The following RBBP7 variants were observed in gnomAD, a reference collection of about 807,000 sequenced individuals.
The protein encoded by RBBP7 is RB binding protein 7, chromatin remodeling factor.
RBBP7 carries 5 observed loss-of-function variants against 35.2 expected under a neutral mutation model. The observed-to-expected ratio is 0.14, with a 90% CI of 0.07 to 0.30. The LOEUF (loss-of-function observed/expected upper bound fraction) is 0.30. Ranked by LOEUF, RBBP7 falls within the 10% of genes least tolerant of loss-of-function variation. RBBP7 has a pLI of 1.00. For synonymous variants in RBBP7, 140 were observed against 118.7 expected (o/e 1.18, Z -1.17); for missense variants, 155 against 327.5 (o/e 0.47, Z 4.07).
At chrX:16,869,990 C>G in intron 1 of RBBP7, 48 bp downstream of exon 1, 4 of 760,942 alleles carry the variant, frequency 5.3e-6, no homozygotes, top group Non-Finnish European at 6.2e-6. Flanking sequence ...CTCGCGCGCC[C>G]GCCGCCCCCC....
At chrX:16,853,602 T>C (rs1206080825) in intron 6 of RBBP7, 80 bp downstream of exon 6, 1 of 918,783 alleles carries the variant, frequency 1.1e-6, no homozygotes, top group Non-Finnish European at 1.4e-6. Context: ...AAAAAAAAAA[T>C]CAAACTACAG....
At chrX:16,853,290 G>A (rs190706941) in intron 6 of RBBP7, 215 of 164,195 alleles carry the variant, frequency 1.3e-3, no homozygotes, top group African/African-American at 5.6e-3. Context: ...TTTCCTCCTC[G>A]ACCTCCAACT....
Position 16,852,859 on chromosome X carries a change from T to C in RBBP7, c.775A>G (p.Asn259Asp). 3.3e-6 allele frequency: 4 copies of C among 1,211,672 alleles called. No individual in the cohort carries two copies. Among genetic ancestry groups the C allele is most frequent in the Non-Finnish European group, 4.5e-6 (4 of 895,556 alleles). ...AAGTGACTCGGCTTGGAGGTGGTATTGGACCTGGTGTCCCATCTAAAACAC... is the reference window on the plus strand; with the variant it reads ...AAGTGACTCGGCTTGGAGGTGGTATCGGACCTGGTGTCCCATCTAAAACAC... Reference protein sequence around the residue: ...QKLMIWDTRSNTTSKPSHLVD... With the variant: ...QKLMIWDTRSDTTSKPSHLVD... Residue 259 changes from asparagine (N) to aspartate (D), a missense_variant, in exon 7 of 12, where the codon AAT becomes GAT. By Grantham distance (23) the Asn-to-Asp change is conservative. This residue lies in a region of RBBP7 where 79 missense variants were observed against 220.8 expected (regional missense o/e 0.36). Coordinates refer to ENST00000380087, the MANE Select transcript of RBBP7 (RefSeq NM_002893.4).
At chrX:16,860,431 G>A (rs944494073) in intron 3 of RBBP7, among the ~76,000 whole-genome samples, 1 of 111,624 alleles carries the variant, frequency 9.0e-6, no homozygotes, top group Non-Finnish European at 1.9e-5. Flanking sequence ...GCTCATGCCT[G>A]TAATCCCGGC....
intron 10 of RBBP7, chrX:16,846,228 G>A (rs1930074856): frequency 5.3e-6 from 1 of 188,582 alleles, no homozygotes; most frequent in East Asian, 1.2e-4. Flanking sequence ...CAATGAAATG[G>A]CTGAAGACTT....
At chrX:16,862,920 T>C (rs901972010) in intron 3 of RBBP7, 35 bp downstream of exon 3, 1 of 1,191,310 alleles carries the variant, frequency 8.4e-7, no homozygotes, top group Non-Finnish European at 1.1e-6. Flanking sequence ...ACATTTTCCC[T>C]TTGACACCAA....
intron 2 of RBBP7, among the ~76,000 whole-genome samples, chrX:16,864,542 A>AAAAAAAAAAAAAAAAAAAAG (rs1569063331): frequency 9.8e-5 from 4 of 40,709 alleles, no homozygotes; most frequent in African/African-American, 3.2e-4. Flanking sequence ...AAAAAAAAAA[A>AAAAAAAAAAAAAAAAAAAAG]AAAAAGAAAA....
At position 16,844,955 on chromosome X, in the gene RBBP7, T is replaced by TACA; in HGVS notation, c.*77_*79dup. ...GCCACCCCACTTACATTTCCTACTA[T>TACA]ACAATGCCTTTTTGGCGCTTGATAA... On this transcript the variant is annotated 3_prime_UTR_variant, in exon 12 of 12. Transcript: ENST00000380087. The TACA allele has an allele frequency of 4.3e-6, 4 of 924,527 alleles. No homozygotes were observed. Among genetic ancestry groups the TACA allele is most frequent in the Non-Finnish European group, 6.2e-6 (4 of 640,832 alleles). 76.2% of individuals were successfully genotyped at this position (924,527 alleles called of 1,213,427 possible). A position where few individuals can be genotyped will look rare whatever the true frequency, so the allele number is the denominator to read the frequency against.
rs1196995812 is a variant in RBBP7, at chrX:16,867,789, C to G, written c.161+1287G>C. 2.7e-5 allele frequency among the ~76,000 whole-genome samples: 3 copies of G among 110,518 alleles called. No individual in the cohort carries two copies. The East Asian group carries it at 8.5e-4, about 31-fold the overall frequency. ...CCAGGTTCAAGCAATTCTCCTGCCT[C>G]TGCCTCCCTGTAGCCTGTAGCTAGG... On this transcript the variant is annotated intron_variant, in intron 2 of 11. Transcript: ENST00000380087.
At chrX:16,869,279 T>A in intron 1 of RBBP7, 59 bp from the exon 2 acceptor site, 1 of 1,155,388 alleles carries the variant, frequency 8.7e-7, no homozygotes, top group Non-Finnish European at 1.2e-6. Context: ...AGTCAGAAAT[T>A]GGAGGTCACC....
chrX:16,849,456 C>CT (rs1930164715), intron 9 of RBBP7, among the ~76,000 whole-genome samples, 155 bp from the exon 10 acceptor site: 2 of 109,583 alleles, frequency 1.8e-5, no homozygotes, highest in Middle Eastern at 4.3e-3. Context: ...TTTTTTTTTT[C>CT]CTTAGAGACA....
intron 2 of RBBP7, among the ~76,000 whole-genome samples, chrX:16,867,180 CT>C (rs1930645507): frequency 9.0e-6 from 1 of 111,404 alleles, no homozygotes; most frequent in African/African-American, 3.3e-5. Context: ...CATGCATGAT[CT>C]TATTTCATTC....
At chrX:16,846,084 A>G (rs1363937311) in intron 10 of RBBP7, 146 bp from the exon 11 acceptor site, 13 of 982,298 alleles carry the variant, frequency 1.3e-5, no homozygotes, top group Non-Finnish European at 1.7e-5. Context: ...TCAGTAATCT[A>G]TTTATACTTA....
chrX:16,865,536 T>G (rs933202619), intron 2 of RBBP7, among the ~76,000 whole-genome samples: 5 of 112,199 alleles, frequency 4.5e-5, no homozygotes, highest in Non-Finnish European at 9.4e-5. Flanking sequence ...ATGAGGACTT[T>G]TCTTTTTACT....
intron 10 of RBBP7, 147 bp downstream of exon 10, chrX:16,849,097 A>C: frequency 2.4e-6 from 1 of 422,706 alleles, no homozygotes; most frequent in Non-Finnish European, 3.9e-6. Context: ...TAAATGTCAA[A>C]GCCCAGTTGC....
intron 10 of RBBP7, chrX:16,846,629 A>C (rs1181785231): frequency 1.8e-5 from 2 of 112,218 alleles, no homozygotes; most frequent in South Asian, 3.7e-4. Context: ...ACCTCGTCGG[A>C]ATGCACTATG....
At chrX:16,848,167 T>C (rs1257059345) in intron 10 of RBBP7, 1 of 111,703 alleles carries the variant, frequency 9.0e-6, no homozygotes, top group Non-Finnish European at 1.9e-5. Context: ...TGGGAGGTGA[T>C]AGCTATAGTT....
chrX:16,858,521 C>G (rs1010397628), intron 4 of RBBP7, among the ~76,000 whole-genome samples, 155 bp downstream of exon 4: 2 of 111,663 alleles, frequency 1.8e-5, no homozygotes, highest in African/African-American at 6.5e-5. Context: ...TTAGGTAGTT[C>G]TGGCAAATCC....
intron 3 of RBBP7, among the ~76,000 whole-genome samples, chrX:16,860,674 GAAAAAAAAAA>G (rs1930451765): frequency 5.6e-5 from 3 of 53,733 alleles, no homozygotes; most frequent in African/African-American, 1.9e-4. Flanking sequence ...ACTTCGTCTC[GAAAAAAAAAA>G]GAAAAAAAAA....
Sources: gnomAD v4.1 joint callset for allele counts (sites outside exome capture counted in the v4.1 genomes callset) on GRCh38, gnomAD v4.1.1 for gene constraint, gnomAD v4.1.1 regional missense constraint, MANE v1.5 for transcripts, NCBI Gene and HGNC (gene_info 2026-07-23, HGNC 2026-07-21) for gene names.